The following ADAD1 variants were observed in gnomAD, a reference collection of about 807,000 sequenced individuals.
ADAD1 encodes the protein adenosine deaminase domain-containing protein 1.
ADAD1 carries 46 observed loss-of-function variants against 66.8 expected under a neutral mutation model. The ratio of observed to expected loss-of-function variants is 0.69; its 90% CI spans 0.54 to 0.88. The LOEUF (loss-of-function observed/expected upper bound fraction) is 0.88. Ranked by LOEUF, ADAD1 falls within the 40% of genes least tolerant of loss-of-function variation. ADAD1 has a pLI of 0.00. For synonymous variants in ADAD1, 248 were observed against 229.4 expected, an observed-to-expected ratio of 1.08 and a Z score of -0.73; for missense variants, 617 against 681.8, an observed-to-expected ratio of 0.91 and a Z score of 1.06.
At chr4:122,396,486 C>CT (rs1795723259) in intron 7 of ADAD1, 109 bp downstream of exon 7, 1 of 912,042 alleles carries the variant, frequency 1.1e-6, no homozygotes, top group Non-Finnish European at 1.5e-6. Context: ...TTTGAAGTGA[C>CT]TTTTTCTAGT....
chr4:122,414,275 T>G (rs73846649), intron 10 of ADAD1, among the ~76,000 whole-genome samples: 21,152 of 92,314 alleles, frequency 0.23, 2,868 homozygotes, highest in African/African-American at 0.37. Context: ...TCTTTTTTTT[T>G]GGGGGGGGGG....
At chr4:122,396,726 A>T (rs1473605212) in intron 7 of ADAD1, among the ~76,000 whole-genome samples, 2 of 152,218 alleles carry the variant, frequency 1.3e-5, no homozygotes, top group African/African-American at 2.4e-5. Context: ...GTGGACATAT[A>T]ATGTGATTCT....
chr4:122,411,726 G>A (rs1796474790), intron 9 of ADAD1, among the ~76,000 whole-genome samples: 1 of 152,090 alleles, frequency 6.6e-6, no homozygotes, highest in African/African-American at 2.4e-5. Flanking sequence ...CAACTGGTAT[G>A]TATAAAGCAA....
At chr4:122,413,304 G>A (rs1000346001) in intron 10 of ADAD1, among the ~76,000 whole-genome samples, 3 of 152,082 alleles carry the variant, frequency 2.0e-5, no homozygotes, top group African/African-American at 7.2e-5. Flanking sequence ...TGCTGTGGAT[G>A]TTCTGTAGAT....
chr4:122,407,909 T>C lies in ADAD1; in HGVS notation c.726T>C (p.Ala242=), dbSNP rs1796289559. The change falls in exon 8 of 13, where the codon GCT becomes GCC. Residue 242 remains alanine, a splice_region_variant and synonymous_variant. Coordinates refer to ENST00000296513, the MANE Select transcript of ADAD1 (RefSeq NM_139243.4). Reference sequence around the variant, plus strand: ...CTACTGTCTACCTTTTTCTTTCAGCTGGACAACATGAGGTTGTAGCTATAG... The same window carrying C: ...CTACTGTCTACCTTTTTCTTTCAGCCGGACAACATGAGGTTGTAGCTATAG... The part of the protein sequence containing the change: ...SSLAAFIIER[A]GQHEVVAIGT... The C allele has an allele frequency of 6.2e-7, 1 of 1,612,670 alleles. No homozygotes were observed. The highest frequency in any genetic ancestry group is 8.5e-7 in the Non-Finnish European group (1 of 1,179,192).
chr4:122,383,776 T>C, intron 4 of ADAD1, 23 bp from the exon 5 acceptor site: 2 of 1,567,556 alleles, frequency 1.3e-6, no homozygotes, highest in Non-Finnish European at 1.7e-6. Context: ...TATTGTAGCA[T>C]TCATTCTGAG....
chr4:122,411,355 C>G lies in ADAD1; in HGVS notation c.982C>G (p.Gln328Glu), dbSNP rs530807444. The change falls in exon 9 of 13, where the codon CAG becomes GAG. Residue 328 changes from glutamine (Q) to glutamate (E), a missense_variant. Physicochemically the swap from Gln to Glu is conservative, Grantham distance 29. Transcript: ENST00000296513. ...TATCAACATTTGCCTTTACATGAAC[C>G]AGTTGCCTAAAGGATCAGCCCAGAT... ...QNINICLYMN[Q>E]LPKGSAQIKS... 1 of 1,612,842 alleles carries G rather than the reference C, an allele frequency of 6.2e-7. No individual in the cohort carries two copies. The highest frequency in any genetic ancestry group is 1.7e-5 in the Admixed American group (1 of 59,832).
rs553772811 is a variant in ADAD1, at chr4:122,398,309, T to C, written c.724+1932T>C. Among the ~76,000 whole-genome samples the C allele has an allele frequency of 7.6e-4, 99 of 130,200 alleles. 2 individuals are homozygous for C. In the East Asian group the frequency reaches 0.021, roughly 27 times the overall value. 85.4% of individuals were successfully genotyped at this position (130,200 alleles called of 152,430 possible). Reference sequence around the variant, plus strand: ...CTCCAACTCTATCCAGGCTGAGTAGTATTCCAGGGTGTGTGTGTGTGTGTG... The same window carrying C: ...CTCCAACTCTATCCAGGCTGAGTAGCATTCCAGGGTGTGTGTGTGTGTGTG... On this transcript the variant is annotated intron_variant, in intron 7 of 12. Transcript: ENST00000296513.
chr4:122,381,836 CTT>C (rs1794909979), intron 4 of ADAD1, among the ~76,000 whole-genome samples: 2 of 152,090 alleles, frequency 1.3e-5, no homozygotes, highest in African/African-American at 2.4e-5. Context: ...ATTTTAAAAA[CTT>C]TGTGTATATG....
intron 8 of ADAD1, among the ~76,000 whole-genome samples, chr4:122,408,314 G>T (rs1458019289): frequency 6.6e-6 from 1 of 152,114 alleles, no homozygotes; most frequent in Non-Finnish European, 1.5e-5. Context: ...CACTTTTGCT[G>T]CCCAGGCTGG....
chr4:122,397,574 A>G (rs146956798), intron 7 of ADAD1, among the ~76,000 whole-genome samples: 1 of 152,208 alleles, frequency 6.6e-6, no homozygotes, highest in Non-Finnish European at 1.5e-5. Context: ...TTGACAAATA[A>G]TTTTTTAAAA....
chr4:122,387,366 T>G (rs1307812566), intron 5 of ADAD1, among the ~76,000 whole-genome samples: 1 of 152,182 alleles, frequency 6.6e-6, no homozygotes, highest in East Asian at 1.9e-4. Flanking sequence ...AAGGAATGCT[T>G]GTGATTTTTG....
intron 12 of ADAD1, among the ~76,000 whole-genome samples, chr4:122,425,677 T>C (rs897917890): frequency 9.2e-5 from 14 of 151,834 alleles, no homozygotes; most frequent in African/African-American, 3.4e-4. Flanking sequence ...ATTGAATTTA[T>C]ATTGTATTAG....
intron 7 of ADAD1, among the ~76,000 whole-genome samples, chr4:122,397,348 C>A (rs777231215): frequency 2.6e-5 from 4 of 152,132 alleles, no homozygotes; most frequent in Non-Finnish European, 5.9e-5. Context: ...AGACTCAGTT[C>A]TGCTATTTAA....
chr4:122,382,880 G>A (rs1322295960), intron 4 of ADAD1, among the ~76,000 whole-genome samples: 2 of 152,192 alleles, frequency 1.3e-5, no homozygotes, highest in Non-Finnish European at 2.9e-5. Flanking sequence ...CCCAGAAGCA[G>A]TCAGGAGTTG....
chr4:122,421,031 AATCTTC>A lies in ADAD1; in HGVS notation c.1488-229_1488-224del, dbSNP rs1364408383. 2.6e-5 allele frequency among the ~76,000 whole-genome samples: 4 copies of A among 152,298 alleles called. No individual in the cohort carries two copies. In the East Asian group the frequency reaches 7.7e-4, roughly 29 times the overall value. On this transcript the variant is annotated intron_variant, in intron 11 of 12. Transcript: ENST00000296513. ...CATACAATAGAAATGTTCCAAGGTC[AATCTTC>A]TACATTAATTTTTGATGCAATACTA...
intron 12 of ADAD1, among the ~76,000 whole-genome samples, chr4:122,428,504 T>C (rs1170477679): frequency 1.3e-5 from 2 of 152,138 alleles, no homozygotes; most frequent in Non-Finnish European, 2.9e-5. Context: ...CAAATGTTAA[T>C]CAGCTGGTGA....
intron 7 of ADAD1, among the ~76,000 whole-genome samples, chr4:122,402,843 GATTTT>G (rs1365878939): frequency 3.3e-5 from 5 of 152,058 alleles, no homozygotes; most frequent in Non-Finnish European, 5.9e-5. Flanking sequence ...CAGAAGTCAT[GATTTT>G]ATTTTCATTA....
intron 12 of ADAD1, among the ~76,000 whole-genome samples, chr4:122,425,165 A>T (rs142963553): frequency 1.3e-5 from 2 of 152,206 alleles, no homozygotes; most frequent in African/African-American, 2.4e-5. Flanking sequence ...AAAATCAGTA[A>T]AAATATAGGA....
Sources: gnomAD v4.1 joint callset for allele counts (sites outside exome capture counted in the v4.1 genomes callset) on GRCh38, gnomAD v4.1.1 for gene constraint, MANE v1.5 for transcripts, NCBI Gene and HGNC (gene_info 2026-07-23, HGNC 2026-07-21) for gene names.